Variants in GRID1 observed in about 807,000 individuals in gnomAD.
GRID1 encodes the protein glutamate receptor ionotropic, delta-1.
A neutral mutation model predicts 98.0 loss-of-function variants in GRID1; 28 were observed. The observed-to-expected ratio is 0.29, with a 90% confidence interval of 0.21 to 0.39. GRID1 has a LOEUF of 0.39. GRID1 is among the 10% of genes least tolerant of loss of function. GRID1 has a pLI of 1.00. For synonymous variants in GRID1, 553 were observed against 538.5 expected (o/e 1.03, Z -0.37); for missense variants, 1,111 against 1,340.5 (o/e 0.83, Z 2.67).
intron 6 of GRID1, among the ~76,000 whole-genome samples, chr10:85,858,487 A>C (rs770081152): frequency 7.2e-5 from 11 of 152,028 alleles, no homozygotes; most frequent in Non-Finnish European, 1.3e-4. Flanking sequence ...AGCAGGACTA[A>C]TTCACTCTTT....
At chr10:86,330,100 T>C (rs1256419859) in intron 2 of GRID1, among the ~76,000 whole-genome samples, 1 of 152,102 alleles carries the variant, frequency 6.6e-6, no homozygotes, top group South Asian at 2.1e-4. Context: ...GCCTGTATCA[T>C]GGACGAGACC....
At chr10:85,895,016 A>AAAAATATATATATAT (rs766551035) in intron 5 of GRID1, among the ~76,000 whole-genome samples, 2 of 97,108 alleles carry the variant, frequency 2.1e-5, no homozygotes, top group Non-Finnish European at 4.1e-5. Flanking sequence ...AAAAAAAAAA[A>AAAAATATATATATAT]ATATATATAT....
chr10:86,114,872 G>C (rs1008810977), intron 4 of GRID1, among the ~76,000 whole-genome samples: 2 of 152,202 alleles, frequency 1.3e-5, no homozygotes, highest in African/African-American at 4.8e-5. Context: ...TCATAAACCT[G>C]CATTTCCATC....
chr10:85,643,480 GT>G (rs2038721640), intron 13 of GRID1, among the ~76,000 whole-genome samples: 1 of 152,160 alleles, frequency 6.6e-6, no homozygotes, highest in Non-Finnish European at 1.5e-5. Context: ...TGAAGCCATA[GT>G]CTGGGGGCAG....
intron 8 of GRID1, among the ~76,000 whole-genome samples, chr10:85,813,807 A>C (rs1842693427): frequency 6.6e-6 from 1 of 151,810 alleles, no homozygotes; most frequent in African/African-American, 2.4e-5. Context: ...TAGATCTTTC[A>C]GTGTATGCAG....
chr10:85,663,637 G>T (rs549755253), intron 12 of GRID1, among the ~76,000 whole-genome samples: 17 of 152,192 alleles, frequency 1.1e-4, no homozygotes, highest in Admixed American at 4.6e-4. Flanking sequence ...TCACTTCTCT[G>T]CCTGCTCCTC....
chr10:86,001,790 A>G (rs932722671), intron 4 of GRID1, among the ~76,000 whole-genome samples: 1 of 152,018 alleles, frequency 6.6e-6, no homozygotes, highest in African/African-American at 2.4e-5. Flanking sequence ...CTAACAAAGG[A>G]CCACAAACTG....
chr10:86,280,003 G>A (rs1436625327), intron 2 of GRID1, among the ~76,000 whole-genome samples: 3 of 152,152 alleles, frequency 2.0e-5, no homozygotes, highest in Admixed American at 6.5e-5. Context: ...AGGAGTTTGA[G>A]ACCAGCCTGG....
intron 2 of GRID1, among the ~76,000 whole-genome samples, chr10:86,216,983 A>G (rs1467083173): frequency 1.3e-5 from 2 of 152,158 alleles, no homozygotes; most frequent in African/African-American, 4.8e-5. Flanking sequence ...AGGTTATGGC[A>G]GTGCTCAGGG....
intron 4 of GRID1, among the ~76,000 whole-genome samples, chr10:86,087,374 G>A (rs572916453): frequency 3.3e-5 from 5 of 149,418 alleles, no homozygotes; most frequent in Non-Finnish European, 7.4e-5. Context: ...TGTGTTGTGA[G>A]TGTCTGCATA....
chr10:86,128,360 G>C (rs759925289), intron 4 of GRID1, among the ~76,000 whole-genome samples: 2 of 152,142 alleles, frequency 1.3e-5, no homozygotes, highest in African/African-American at 4.8e-5. Context: ...GGGAATTCAT[G>C]TGTGCTTTTC....
At chr10:86,069,788 C>T (rs771591836) in intron 4 of GRID1, among the ~76,000 whole-genome samples, 8 of 152,206 alleles carry the variant, frequency 5.3e-5, no homozygotes, top group Non-Finnish European at 1.2e-4. Flanking sequence ...GTCCAGCCAG[C>T]GTCTTCATTT....
rs367947004 is a variant in GRID1 at position 85,916,255 on chromosome 10, G to T, written c.727-16C>A. The T allele has an allele frequency of 3.1e-6, 5 of 1,595,826 alleles. No homozygotes were observed. The African/African-American group carries it at 6.7e-5, about 21-fold the overall frequency. ...TCTCCACGGCCTGCAGAGAGAAAAA[G>T]AACGAACATGAACAGAAGCAAGACA... On this transcript the variant is annotated splice_polypyrimidine_tract_variant and intron_variant, in intron 4 of 15. Coordinates refer to ENST00000327946, the MANE Select transcript of GRID1 (RefSeq NM_017551.3). This position sits in a 1 kb window ranked among gnomAD's most constrained non-coding sequence, Gnocchi z 4.0.
rs190045775 is a variant in GRID1, at chr10:86,224,860, C to G, written c.236-18212G>C. On this transcript the variant is annotated intron_variant, in intron 2 of 15. Transcript: ENST00000327946. ...GAAGCCCTTGAGATTTTCCCACCCT[C>G]GCAACATCCAGAGCTCAGCTCAGCC... Among the ~76,000 whole-genome samples, 4 of 152,182 alleles carry G rather than the reference C, an allele frequency of 2.6e-5. No individual in the cohort carries two copies. In the South Asian group the frequency reaches 8.3e-4, roughly 32 times the overall value.
intron 4 of GRID1, among the ~76,000 whole-genome samples, chr10:85,973,754 C>A (rs1303413991): frequency 6.6e-6 from 1 of 152,046 alleles, no homozygotes; most frequent in African/African-American, 2.4e-5. Flanking sequence ...AAGTATTTAA[C>A]CAAAAGACTA....
intron 4 of GRID1, among the ~76,000 whole-genome samples, chr10:86,115,747 C>G (rs1175699371): frequency 6.6e-6 from 1 of 152,188 alleles, no homozygotes; most frequent in Non-Finnish European, 1.5e-5. Flanking sequence ...GGGCCAGCCC[C>G]ATCCCAGCTG....
At chr10:85,673,006 G>A (rs1841104903) in intron 12 of GRID1, among the ~76,000 whole-genome samples, 1 of 152,190 alleles carries the variant, frequency 6.6e-6, no homozygotes, top group Admixed American at 6.5e-5. Flanking sequence ...CAGAATACTT[G>A]TAATTCATGA....
At chr10:85,831,794 T>C (rs1006957521) in intron 8 of GRID1, among the ~76,000 whole-genome samples, 1 of 152,002 alleles carries the variant, frequency 6.6e-6, no homozygotes, top group African/African-American at 2.4e-5. Context: ...TGTCAAAATA[T>C]ACGGAATTCA....
intron 4 of GRID1, among the ~76,000 whole-genome samples, chr10:85,964,442 T>C (rs1003420341): frequency 2.6e-5 from 4 of 152,038 alleles, no homozygotes; most frequent in African/African-American, 4.8e-5. Context: ...CCAAAACAGA[T>C]ATATGGACCA....
Sources: gnomAD v4.1 joint callset for allele counts (sites outside exome capture counted in the v4.1 genomes callset) on GRCh38, gnomAD v4.1.1 for gene constraint, Gnocchi (gnomAD v3.1) non-coding constraint, MANE v1.5 for transcripts, NCBI Gene and HGNC (gene_info 2026-07-23, HGNC 2026-07-21) for gene names.